Variants in GRK7 observed in about 807,000 individuals in gnomAD.
GRK7 encodes G protein-coupled receptor kinase 7.
A neutral mutation model predicts 34.1 loss-of-function variants in GRK7; 24 were observed. The ratio of observed to expected loss-of-function variants is 0.70; its 90% CI spans 0.51 to 0.99. The LOEUF (loss-of-function observed/expected upper bound fraction) is 0.99. Among genes scored for constraint, GRK7 ranks in the 50% least tolerant of loss-of-function variants. The pLI, the probability that GRK7 is intolerant of heterozygous loss-of-function variation, is 0.00. For synonymous variants in GRK7, 256 were observed against 279.4 expected (o/e 0.92, Z 0.84); for missense variants, 644 against 707.3 (o/e 0.91, Z 1.02).
intron 2 of GRK7, among the ~76,000 whole-genome samples, chr3:141,776,469 G>T: frequency 6.6e-6 from 1 of 152,162 alleles, no homozygotes; most frequent in East Asian, 1.9e-4. Context: ...GAACAATGTG[G>T]ACCGGGGTAA....
chr3:141,762,196 G>T (rs1049957868), upstream of GRK7, among the ~76,000 whole-genome samples: 20 of 151,158 alleles, frequency 1.3e-4, no homozygotes, highest in African/African-American at 4.9e-4. Context: ...GGCGCTCTGC[G>T]TTTTAGAGTT....
rs1467666416 is a variant in GRK7, at chr3:141,778,626, G to A, written c.342G>A (p.Ala114=). Residue 114 remains alanine (A), a synonymous_variant, in exon 3 of 6, where the codon GCG becomes GCA. Transcript: ENST00000682958. This position sits in a 1 kb window ranked among gnomAD's most constrained non-coding sequence, Gnocchi z 4.1. ...TGCAGGGGCTGGTGGCCACTTGTGC[G>A]AGTGCCCCTGCCCCGGGGAACCCGC... is the stretch of plus-strand genomic sequence containing the variant. ...SALQGLVATC[A]SAPAPGNPQP... 1.2e-6 allele frequency: 2 copies of A among 1,612,382 alleles called. No individual in the cohort carries two copies. The highest frequency in any genetic ancestry group is 1.1e-5 in the South Asian group (1 of 90,960).
intron 4 of GRK7, 125 bp downstream of exon 4, chr3:141,780,936 C>G (rs1439725074): frequency 1.2e-6 from 1 of 801,756 alleles, no homozygotes; most frequent in Non-Finnish European, 2.0e-6. Context: ...TCCTAAAGCG[C>G]TTACGTTGTC....
chr3:141,789,346 T>C (rs2084711891), intron 4 of GRK7, among the ~76,000 whole-genome samples: 1 of 152,204 alleles, frequency 6.6e-6, no homozygotes, highest in Non-Finnish European at 1.5e-5. Flanking sequence ...GCCCTCACTC[T>C]CAGGCAGGTA....
At position 141,784,125 on chromosome 3, in the gene GRK7, T is replaced by A. The variant is rs1347642566; in HGVS notation, c.1050+3314T>A. 5.9e-5 allele frequency among the ~76,000 whole-genome samples: 9 copies of A among 152,304 alleles called. No homozygotes were observed. In the East Asian group the frequency reaches 1.7e-3, roughly 29 times the overall value. On this transcript the variant is annotated intron_variant, in intron 4 of 5. Coordinates refer to ENST00000682958, the MANE Select transcript of GRK7 (RefSeq NM_139209.3). The stretch of plus-strand genomic sequence containing the variant: ...AGCTTTGGCTCACTCCAGTCTCCTT[T>A]CTCAGTCTCCTCAGGCTCTGTTCAT...
intron 4 of GRK7, among the ~76,000 whole-genome samples, chr3:141,789,661 A>AAAAAAAAAAAAAAAAAC: frequency 6.6e-6 from 1 of 151,774 alleles, no homozygotes; most frequent in Non-Finnish European, 1.5e-5. Flanking sequence ...ATGGGCAAAA[A>AAAAAAAAAAAAAAAAAC]AAAAAAAAAC....
intron 3 of GRK7, among the ~76,000 whole-genome samples, chr3:141,780,123 T>A (rs1159364665): frequency 6.6e-6 from 1 of 152,222 alleles, no homozygotes; most frequent in African/African-American, 2.4e-5. Context: ...CAGCAATGCT[T>A]AAAGGTTTCG....
chr3:141,780,408 T>A lies in GRK7; in HGVS notation c.647T>A (p.Met216Lys). ...GTCCAGGTGAAAAACACTGGGAAGATGTATGCCTGTAAGAAACTGGACAAG... is the reference window on the plus strand; with the variant it reads ...GTCCAGGTGAAAAACACTGGGAAGAAGTATGCCTGTAAGAAACTGGACAAG... Reference protein sequence around the residue: ...CAVQVKNTGKMYACKKLDKKR... With the variant: ...CAVQVKNTGKKYACKKLDKKR... The change falls in exon 4 of 6, where the codon ATG becomes AAG. Residue 216 changes from methionine (M) to lysine (K), a missense_variant. Physicochemically the swap from Met to Lys is moderately conservative, Grantham distance 95. Coordinates refer to ENST00000682958, the MANE Select transcript of GRK7 (RefSeq NM_139209.3). 6.2e-7 allele frequency: 1 copy of A among 1,614,216 alleles called. No individual in the cohort carries two copies. The highest frequency in any genetic ancestry group is 8.5e-7 in the Non-Finnish European group (1 of 1,180,054).
At chr3:141,756,858 G>A in the GRK7 span, among the ~76,000 whole-genome samples, 2 of 152,142 alleles carry the variant, frequency 1.3e-5, no homozygotes, top group African/African-American at 4.8e-5. Flanking sequence ...CCCTGTGGAG[G>A]TAACCTGAGA....
intron 1 of GRK7, among the ~76,000 whole-genome samples, chr3:141,772,578 C>T (rs1014575741): frequency 6.6e-6 from 1 of 152,118 alleles, no homozygotes; most frequent in Non-Finnish European, 1.5e-5. Flanking sequence ...GAGTTTCTTA[C>T]TAGAAACTTA....
At chr3:141,787,169 C>T (rs2084700465) in intron 4 of GRK7, among the ~76,000 whole-genome samples, 1 of 152,172 alleles carries the variant, frequency 6.6e-6, no homozygotes, top group African/African-American at 2.4e-5. Flanking sequence ...AAGAGCCCTG[C>T]CATGCTGTGC....
chr3:141,773,971 C>T (rs1374878230), intron 1 of GRK7, among the ~76,000 whole-genome samples: 1 of 152,204 alleles, frequency 6.6e-6, no homozygotes, highest in Non-Finnish European at 1.5e-5. Context: ...CCCCAGGTTT[C>T]TGGTACGTTT....
intron 4 of GRK7, among the ~76,000 whole-genome samples, chr3:141,795,022 T>C (rs1403693399): frequency 6.6e-6 from 1 of 152,022 alleles, no homozygotes; most frequent in Non-Finnish European, 1.5e-5. Flanking sequence ...GATAATACGG[T>C]GTGATCAGGG....
In GRK7 at chr3:141,804,986, G is replaced by A. The variant is rs183130718; in HGVS notation, c.1051-2659G>A. ...CACACTCACATACACACACCCACTC[G>A]CACACACACATACACTCACACACAC... On this transcript the variant is annotated intron_variant, in intron 4 of 5. Coordinates refer to ENST00000682958, the MANE Select transcript of GRK7 (RefSeq NM_139209.3). 3.2e-4 allele frequency among the ~76,000 whole-genome samples: 45 copies of A among 140,774 alleles called. 1 individual carries two copies. The highest frequency in any genetic ancestry group is 2.6e-4 in the African/African-American group (10 of 37,936). The allele number at this position is 140,774 out of a possible 152,430, so 92.4% of individuals were successfully genotyped here.
intron 5 of GRK7, among the ~76,000 whole-genome samples, chr3:141,816,085 T>C (rs534892826): frequency 4.6e-5 from 7 of 152,314 alleles, no homozygotes; most frequent in African/African-American, 1.7e-4. Context: ...GAACATACTT[T>C]TTTCTTTAGA....
At position 141,778,813 on chromosome 3, in the gene GRK7, C is replaced by T. The variant is rs1309084163; in HGVS notation, c.529C>T (p.Gln177Ter). ...CAGCGCCTTCTACGACAAGTTTCTG[C>T]AGTGGAAACTCTTCGAGATGCAACC... is the stretch of plus-strand genomic sequence containing the variant. Reference protein sequence around the residue: ...VTSAFYDKFLQWKLFEMQPVS... With the variant: ...VTSAFYDKFL Residue 177 changes from glutamine (Q) to a stop codon, truncating the protein, a stop_gained, in exon 3 of 6, where the codon CAG becomes TAG. Transcript: ENST00000682958. LOFTEE classifies it high-confidence loss of function. The surrounding 1 kb of genome is among the most constrained non-coding windows in gnomAD (Gnocchi z 4.1). The T allele has an allele frequency of 6.2e-7, 1 of 1,610,518 alleles. No homozygotes were observed. The highest frequency in any genetic ancestry group is 1.1e-5 in the South Asian group (1 of 90,382).
chr3:141,814,920 GTTTTT>G (rs33965909), intron 5 of GRK7, among the ~76,000 whole-genome samples: 50 of 120,388 alleles, frequency 4.2e-4, no homozygotes, highest in African/African-American at 1.5e-3. Flanking sequence ...TTGTTGGTTG[GTTTTT>G]TTTTTTTTTT....
At chr3:141,802,277 T>C (rs1260252919) in intron 4 of GRK7, among the ~76,000 whole-genome samples, 3 of 151,990 alleles carry the variant, frequency 2.0e-5, no homozygotes, top group African/African-American at 7.2e-5. Flanking sequence ...TGCTTGAGCC[T>C]AGGAGGTGGA....
At chr3:141,757,129 C>CTTTTTTTTTTTTTTTTTTTTT in the GRK7 span, among the ~76,000 whole-genome samples, 156 of 101,260 alleles carry the variant, frequency 1.5e-3, no homozygotes, top group Non-Finnish European at 1.9e-3. Flanking sequence ...AGATCTTCTT[C>CTTTTTTTTTTTTTTTTTTTTT]TTTTTTTTTT....
Sources: gnomAD v4.1 joint callset for allele counts (sites outside exome capture counted in the v4.1 genomes callset) on GRCh38, gnomAD v4.1.1 for gene constraint, Gnocchi (gnomAD v3.1) non-coding constraint, MANE v1.5 for transcripts, NCBI Gene and HGNC (gene_info 2026-07-23, HGNC 2026-07-21) for gene names.